The following FGF12 variants were observed in gnomAD, a reference collection of about 807,000 sequenced individuals.
FGF12 encodes fibroblast growth factor 12B.
Under a neutral mutation model 23.6 loss-of-function variants are expected in FGF12, and 14 were observed. That is an observed-to-expected ratio of 0.59 (90% CI 0.39 to 0.93). The LOEUF is 0.93. Ranked by LOEUF, FGF12 falls within the 40% of genes least tolerant of loss-of-function variation. The pLI is 0.00. For synonymous variants in FGF12, 62 were observed against 77.3 expected (o/e 0.80, Z 1.04); for missense variants, 175 against 217.8 (o/e 0.80, Z 1.24).
intron 2 of FGF12, among the ~76,000 whole-genome samples, chr3:192,466,836 TCTC>T (rs1231970763): frequency 6.6e-6 from 1 of 152,136 alleles, no homozygotes; most frequent in Non-Finnish European, 1.5e-5. Context: ...GCCCCTGGCT[TCTC>T]CTCATTATAA....
rs1447269071 is a variant in FGF12, at chr3:192,246,027, TATCTC to T, written c.229-75376_229-75372del. On this transcript the variant is annotated intron_variant, in intron 4 of 5. Transcript: ENST00000445105. ...TAAAATGGAATTCCTAGTTCGTTGATATCTCATCACATTACAAAATTCTGTTTTTA... is the reference window on the plus strand; with the variant it reads ...TAAAATGGAATTCCTAGTTCGTTGATATCACATTACAAAATTCTGTTTTTA... Among the ~76,000 whole-genome samples the T allele has an allele frequency of 3.6e-4, 55 of 152,334 alleles. 1 individual carries two copies. Among genetic ancestry groups the T allele is most frequent in the Admixed American group, 3.3e-3 (50 of 15,298 alleles).
chr3:192,224,911 C>T (rs754686138), intron 4 of FGF12, among the ~76,000 whole-genome samples: 1 of 152,062 alleles, frequency 6.6e-6, no homozygotes, highest in Admixed American at 6.6e-5. Context: ...ATCAGCTGAA[C>T]TACTTGTTAA....
chr3:192,330,994 T>A (rs1443152794), intron 4 of FGF12, among the ~76,000 whole-genome samples: 2 of 151,932 alleles, frequency 1.3e-5, no homozygotes, highest in East Asian at 3.9e-4. Flanking sequence ...TATAAAGAAC[T>A]CCTACAACTC....
intron 4 of FGF12, among the ~76,000 whole-genome samples, chr3:192,278,342 G>A (rs1460809063): frequency 6.6e-6 from 1 of 152,142 alleles, no homozygotes; most frequent in African/African-American, 2.4e-5. Flanking sequence ...GTAGGGCTTG[G>A]TAATTTCTTC....
At chr3:192,378,457 C>G (rs1719670583) in intron 2 of FGF12, among the ~76,000 whole-genome samples, 2 of 142,236 alleles carry the variant, frequency 1.4e-5, no homozygotes, top group Non-Finnish European at 2.9e-5. Flanking sequence ...AAGATATAGA[C>G]ACAACTACTT....
At chr3:192,513,444 TTAATTC>T (rs1171679019) in intron 2 of FGF12, among the ~76,000 whole-genome samples, 2 of 152,208 alleles carry the variant, frequency 1.3e-5, no homozygotes, top group Non-Finnish European at 2.9e-5. Context: ...AGTTTTCTAT[TTAATTC>T]TAATTAGGTC....
chr3:192,301,231 C>T (rs1017392269), intron 4 of FGF12, among the ~76,000 whole-genome samples: 2 of 152,054 alleles, frequency 1.3e-5, no homozygotes, highest in Non-Finnish European at 2.9e-5. Context: ...TGAAGATAAA[C>T]GAATCACCGG....
At chr3:192,655,882 C>T (rs2886786) in intron 2 of FGF12, among the ~76,000 whole-genome samples, 87,529 of 151,222 alleles carry the variant, frequency 0.58, 25,655 homozygotes, top group East Asian at 0.67. Context: ...AAGAGGTGAA[C>T]ACAAGCATGA....
At chr3:192,274,032 A>G (rs1713619287) in intron 4 of FGF12, among the ~76,000 whole-genome samples, 1 of 152,198 alleles carries the variant, frequency 6.6e-6, no homozygotes. Flanking sequence ...AAAACCTAAA[A>G]TAGATGCCTC....
intron 2 of FGF12, among the ~76,000 whole-genome samples, chr3:192,439,976 G>GAAAAAAAAAAAAAA (rs5855427): frequency 1.3e-4 from 15 of 114,164 alleles, no homozygotes; most frequent in African/African-American, 5.0e-4. Flanking sequence ...ACTCCATATG[G>GAAAAAAAAAAAAAA]AAAAAAAAAA....
chr3:192,148,553 T>G (rs1019725403), intron 5 of FGF12, among the ~76,000 whole-genome samples: 1 of 152,222 alleles, frequency 6.6e-6, no homozygotes, highest in Non-Finnish European at 1.5e-5. Context: ...AATGTCAATG[T>G]ACTTAACGGC....
chr3:192,618,988 AAT>A (rs1391958512), intron 2 of FGF12, among the ~76,000 whole-genome samples: 1 of 151,690 alleles, frequency 6.6e-6, no homozygotes, highest in Admixed American at 6.6e-5. Flanking sequence ...GCCTATAAAA[AAT>A]ATATATATGT....
Position 192,409,005 on chromosome 3 carries a change from A to T in FGF12, c.14-48467T>A, listed in dbSNP as rs752077873. ...CTGGGTAGGGGCGCGGGGCGGGGGCAGCTGTTTCCAGCTGCGGTGAGAGCA... is the reference window on the plus strand; with the variant it reads ...CTGGGTAGGGGCGCGGGGCGGGGGCTGCTGTTTCCAGCTGCGGTGAGAGCA... On this transcript the variant is annotated intron_variant, in intron 2 of 5. Coordinates refer to ENST00000445105, the MANE Select transcript of FGF12 (RefSeq NM_004113.6). The surrounding 1 kb of genome is among the most constrained non-coding windows in gnomAD (Gnocchi z 4.8). 90 of 980,696 alleles carry T rather than the reference A, an allele frequency of 9.2e-5. No homozygotes were observed. The highest frequency in any genetic ancestry group is 1.0e-4 in the Non-Finnish European group (87 of 828,846). The allele number at this position is 980,696 out of a possible 1,614,324, so 60.7% of individuals were successfully genotyped here.
chr3:192,365,189 G>A (rs1382179407), intron 2 of FGF12, among the ~76,000 whole-genome samples: 2 of 151,260 alleles, frequency 1.3e-5, no homozygotes, highest in Non-Finnish European at 2.9e-5. Flanking sequence ...TCATAGGCCC[G>A]TTTCGAAATA....
At chr3:192,212,322 T>C (rs1278028530) in intron 4 of FGF12, among the ~76,000 whole-genome samples, 1 of 152,150 alleles carries the variant, frequency 6.6e-6, no homozygotes, top group Non-Finnish European at 1.5e-5. Flanking sequence ...TTTGCAGCTA[T>C]GAAAACTGAG....
intron 4 of FGF12, among the ~76,000 whole-genome samples, chr3:192,220,619 A>G (rs1218087210): frequency 4.6e-5 from 7 of 152,304 alleles, no homozygotes; most frequent in African/African-American, 1.7e-4. Context: ...TAACATGCAC[A>G]CACAGACAAC....
chr3:192,592,348 A>T (rs929863690), intron 2 of FGF12, among the ~76,000 whole-genome samples: 1 of 151,798 alleles, frequency 6.6e-6, no homozygotes, highest in Non-Finnish European at 1.5e-5. Context: ...GGTTCTAGGT[A>T]TTGGAATCCA....
intron 2 of FGF12, among the ~76,000 whole-genome samples, chr3:192,536,403 C>A (rs1347199794): frequency 3.3e-5 from 5 of 152,068 alleles, no homozygotes; most frequent in African/African-American, 1.2e-4. Context: ...AGTAAGCAAA[C>A]AACAAACCAA....
intron 2 of FGF12, among the ~76,000 whole-genome samples, chr3:192,677,141 C>T (rs1436550040): frequency 6.6e-6 from 1 of 152,148 alleles, no homozygotes; most frequent in Non-Finnish European, 1.5e-5. Context: ...CATGAAAAGT[C>T]CACACCTCAA....
Sources: allele counts gnomAD v4.1 joint callset (sites outside exome capture counted in the v4.1 genomes callset), GRCh38; gene constraint gnomAD v4.1.1; non-coding constraint Gnocchi (gnomAD v3.1); transcripts MANE v1.5; gene names NCBI Gene and HGNC (gene_info 2026-07-23, HGNC 2026-07-21).